FCHO1: variants seen among roughly 807,000 people sequenced by gnomAD.
FCHO1 encodes FCH and mu domain containing endocytic adaptor 1.
In FCHO1, 45 loss-of-function variants were observed where a neutral mutation model predicts 114.4. The ratio of observed to expected loss-of-function variants is 0.39; its 90% confidence interval spans 0.31 to 0.50. The LOEUF is 0.50. FCHO1 is among the 20% of genes least tolerant of loss of function. The pLI is 0.77. For missense variants in FCHO1, 1,042 were observed against 1,209.6 expected, an observed-to-expected ratio of 0.86 and a Z score of 2.06; for synonymous variants, 480 against 488.9, an observed-to-expected ratio of 0.98 and a Z score of 0.24.
intron 7 of FCHO1, among the ~76,000 whole-genome samples, chr19:17,769,171 A>G (rs1361160295): frequency 1.4e-5 from 2 of 145,468 alleles, no homozygotes; most frequent in Non-Finnish European, 3.0e-5. Context: ...GCTACTTGGG[A>G]GGCTGAGGCA....
In FCHO1 at chr19:17,779,138, G is replaced by C. The variant is rs2093040618; in HGVS notation, c.1627+254G>C. Among the ~76,000 whole-genome samples, 3 of 152,196 alleles carry C rather than the reference G, an allele frequency of 2.0e-5. No homozygotes were observed. In the South Asian group the frequency reaches 6.2e-4, roughly 32 times the overall value. On this transcript the variant is annotated intron_variant, in intron 20 of 28. Transcript: ENST00000596536. ...AGGGAGGTGAGGACAGAACCACGTG[G>C]ACATGAGGGGAAAGGCGTGCTGGGC... is the stretch of plus-strand genomic sequence containing the variant.
At chr19:17,753,082 CAA>C (rs901302759) in intron 1 of FCHO1, among the ~76,000 whole-genome samples, 6 of 137,116 alleles carry the variant, frequency 4.4e-5, no homozygotes, top group Admixed American at 7.3e-5. Context: ...ACCCTGTCTC[CAA>C]AAAAAAAAAA....
chr19:17,772,222 A>C (rs1487762027), intron 9 of FCHO1, among the ~76,000 whole-genome samples: 1 of 152,076 alleles, frequency 6.6e-6, no homozygotes, highest in Admixed American at 6.6e-5. Flanking sequence ...ACATGTGTGC[A>C]TCAAACTGGG....
intron 4 of FCHO1, among the ~76,000 whole-genome samples, chr19:17,757,303 A>G (rs8107588): frequency 0.19 from 29,474 of 151,948 alleles, 3,013 homozygotes; most frequent in African/African-American, 0.23. Flanking sequence ...CTCGGCTGCC[A>G]GCCCAGTCCA....
At chr19:17,766,535 T>G in intron 6 of FCHO1, 134 bp from the exon 7 acceptor site, 175 of 1,162,638 alleles carry the variant, frequency 1.5e-4, no homozygotes, top group Middle Eastern at 2.9e-4. Context: ...ACAGCTGCCA[T>G]GGAGATTATA....
At chr19:17,748,376 G>C (rs1458958545), upstream of FCHO1, among the ~76,000 whole-genome samples, 1 of 152,102 alleles carries the variant, frequency 6.6e-6, no homozygotes, top group South Asian at 2.1e-4. Flanking sequence ...TTAAGGATGG[G>C]GTGGGGGGCG....
intron 7 of FCHO1, 72 bp downstream of exon 7, chr19:17,766,882 T>A: frequency 6.6e-7 from 1 of 1,512,168 alleles, no homozygotes; most frequent in Non-Finnish European, 9.0e-7. Flanking sequence ...CCCCAGATCT[T>A]CTGGGGCTTT....
In FCHO1 at chr19:17,772,609, C is replaced by T. The variant is rs752139684; in HGVS notation, c.694-36C>T. On this transcript the variant is annotated intron_variant, in intron 10 of 28. Coordinates refer to ENST00000596536, the MANE Select transcript of FCHO1 (RefSeq NM_015122.3). ...CTGGGGTCACTGCTGGGCAAAGGGGCCTTGACCAGTTACACACCCCGCCCA... is the reference window on the plus strand; with the variant it reads ...CTGGGGTCACTGCTGGGCAAAGGGGTCTTGACCAGTTACACACCCCGCCCA... 12 of 1,613,150 alleles carry T rather than the reference C, an allele frequency of 7.4e-6. No individual in the cohort carries two copies. In the East Asian group the frequency reaches 2.7e-4, roughly 36 times the overall value.
intron 1 of FCHO1, among the ~76,000 whole-genome samples, chr19:17,752,793 G>A (rs1415996782): frequency 4.0e-5 from 6 of 151,850 alleles, no homozygotes; most frequent in Non-Finnish European, 8.8e-5. Context: ...CCAGCTACTC[G>A]GGTGGCTGAG....
At chr19:17,772,182 G>A (rs1367189133) in intron 9 of FCHO1, among the ~76,000 whole-genome samples, 1 of 152,148 alleles carries the variant, frequency 6.6e-6, no homozygotes, top group Admixed American at 6.5e-5. Context: ...CCTTGTGTGT[G>A]TGTGTGTGTG....
At chr19:17,774,990 G>A (rs545432082) in intron 13 of FCHO1, 66 bp from the exon 14 acceptor site, 1 of 1,579,478 alleles carries the variant, frequency 6.3e-7, no homozygotes, top group African/African-American at 1.3e-5. Flanking sequence ...TCCAGTGTTG[G>A]GGGCTGACAG....
At chr19:17,755,027 C>A in intron 3 of FCHO1, 91 bp from the exon 4 acceptor site, 1 of 827,932 alleles carries the variant, frequency 1.2e-6, no homozygotes, top group Non-Finnish European at 2.1e-6. Flanking sequence ...CTCCTTCATC[C>A]TTTCTCTCCT....
At chr19:17,781,929 GA>G (rs1232192173) in intron 23 of FCHO1, 109 bp downstream of exon 23, 7 of 692,118 alleles carry the variant, frequency 1.0e-5, no homozygotes, top group Non-Finnish European at 1.6e-5. Context: ...AAAGGGCCTT[GA>G]ACACTGAGCC....
chr19:17,760,735 C>T (rs905124110), intron 4 of FCHO1, among the ~76,000 whole-genome samples: 7 of 151,838 alleles, frequency 4.6e-5, no homozygotes, highest in East Asian at 1.9e-4. Flanking sequence ...TTGTAACCTC[C>T]GCCTCCCGGG....
chr19:17,770,759 C>T (rs1003629486), intron 8 of FCHO1, 33 bp from the exon 9 acceptor site: 4 of 1,610,442 alleles, frequency 2.5e-6, no homozygotes, highest in Admixed American at 3.3e-5. Context: ...GAGTATCGCC[C>T]TCCCATCCCC....
intron 6 of FCHO1, 32 bp from the exon 7 acceptor site, chr19:17,766,637 T>C (rs918272926): frequency 1.2e-6 from 2 of 1,613,008 alleles, no homozygotes; most frequent in Admixed American, 1.7e-5. Flanking sequence ...GTGAGCCTGA[T>C]GAACCCTGGG....
chr19:17,756,561 C>T (rs991240618), intron 4 of FCHO1, among the ~76,000 whole-genome samples: 6 of 152,126 alleles, frequency 3.9e-5, no homozygotes, highest in African/African-American at 1.4e-4. Flanking sequence ...TTCGAATTGA[C>T]TCTGCTGGAA....
intron 19 of FCHO1, 162 bp downstream of exon 19, chr19:17,778,390 G>T (rs2147199417): frequency 2.7e-6 from 2 of 753,336 alleles, no homozygotes; most frequent in South Asian, 1.7e-5. Flanking sequence ...AGGGGCCATA[G>T]ATAGGGTGGG....
chr19:17,754,211 C>T (rs1454954063), intron 1 of FCHO1, 106 bp from the exon 2 acceptor site: 1 of 152,274 alleles, frequency 6.6e-6, no homozygotes, highest in Non-Finnish European at 1.5e-5. Flanking sequence ...ATGCCAAGGA[C>T]ACTGCCTGTC....
Sources: gnomAD v4.1 joint callset for allele counts (sites outside exome capture counted in the v4.1 genomes callset) on GRCh38, gnomAD v4.1.1 for gene constraint, MANE v1.5 for transcripts, NCBI Gene and HGNC (gene_info 2026-07-23, HGNC 2026-07-21) for gene names.